The following ABCC1 variants were observed in gnomAD, a reference collection of about 807,000 sequenced individuals.
ABCC1 encodes the protein ATP binding cassette subfamily C member 1 (ABCC1 blood group).
ABCC1 carries 83 observed loss-of-function variants against 172.9 expected under a neutral mutation model. The ratio of observed to expected loss-of-function variants is 0.48; its 90% CI spans 0.40 to 0.58. ABCC1 has a LOEUF of 0.58. ABCC1 is among the 20% of genes least tolerant of loss of function. The pLI, the probability that ABCC1 is intolerant of heterozygous loss-of-function variation, is 0.00. For missense variants in ABCC1, 1,817 were observed against 2,002.7 expected, an observed-to-expected ratio of 0.91 and a Z score of 1.77; for synonymous variants, 937 against 825.2, an observed-to-expected ratio of 1.14 and a Z score of -2.32.
At chr16:16,100,474 G>C (rs532182039) in intron 19 of ABCC1, among the ~76,000 whole-genome samples, 1 of 149,696 alleles carries the variant, frequency 6.7e-6, no homozygotes, top group African/African-American at 2.5e-5. Flanking sequence ...CTGGTTCCCA[G>C]TGTCACACAT....
rs368331295 is a variant in ABCC1, at chr16:16,124,750, A to T, written c.3591-39A>T. 329 of 1,613,048 alleles carry T rather than the reference A, an allele frequency of 2.0e-4. 2 individuals are homozygous for T. The highest frequency in any genetic ancestry group is 1.8e-3 in the Middle Eastern group (10 of 5,668). On this transcript the variant is annotated intron_variant, in intron 24 of 30. Coordinates refer to ENST00000399410, the MANE Select transcript of ABCC1 (RefSeq NM_004996.4). ...TGTAAGCCAAGTCTCTGTAGAGCTG[A>T]CTCCATGCCTGTTTGTCTGCCTGTG...
At chr16:15,988,067 C>T (rs1339760787) in intron 1 of ABCC1, among the ~76,000 whole-genome samples, 6 of 152,170 alleles carry the variant, frequency 3.9e-5, no homozygotes, top group Non-Finnish European at 7.3e-5. Context: ...AAGGGATTCT[C>T]GTGCCTCAGC....
intron 1 of ABCC1, among the ~76,000 whole-genome samples, chr16:15,998,686 A>G (rs2047142074): frequency 2.0e-5 from 3 of 152,170 alleles, no homozygotes; most frequent in Admixed American, 6.6e-5. Flanking sequence ...TGCTTTCTGC[A>G]GGGGAAACAC....
intron 7 of ABCC1, among the ~76,000 whole-genome samples, chr16:16,037,559 G>A (rs1446297126): frequency 6.6e-6 from 1 of 152,230 alleles, no homozygotes; most frequent in African/African-American, 2.4e-5. Context: ...ACATGAAATT[G>A]TGGGTGACAT....
chr16:16,129,376 C>T (rs1055671690), intron 26 of ABCC1, among the ~76,000 whole-genome samples: 5 of 151,906 alleles, frequency 3.3e-5, no homozygotes, highest in African/African-American at 7.3e-5. Flanking sequence ...TGGCCAGGCG[C>T]GGTGGCTCAC....
intron 2 of ABCC1, 60 bp from the exon 3 acceptor site, chr16:16,009,715 CA>C (rs746686711): frequency 4.7e-6 from 7 of 1,490,318 alleles, no homozygotes; most frequent in Non-Finnish European, 5.4e-6. Flanking sequence ...GCTGTTCGTG[CA>C]GGCCCTGGGG....
chr16:15,959,324 TTTTC>T (rs1022571713), intron 1 of ABCC1, among the ~76,000 whole-genome samples: 15 of 152,244 alleles, frequency 9.9e-5, no homozygotes, highest in African/African-American at 3.6e-4. Flanking sequence ...TTCTTTTTCT[TTTTC>T]TTTCTTTTTT....
At chr16:16,010,087 A>G (rs1192536296) in intron 3 of ABCC1, among the ~76,000 whole-genome samples, 186 bp downstream of exon 3, 1 of 113,052 alleles carries the variant, frequency 8.8e-6, no homozygotes, top group Non-Finnish European at 1.6e-5. Context: ...GCTTTCATCC[A>G]GGCTGGAGTG....
chr16:16,085,846 T>C (rs2152002534), intron 17 of ABCC1, among the ~76,000 whole-genome samples: 1 of 152,168 alleles, frequency 6.6e-6, no homozygotes, highest in African/African-American at 2.4e-5. Context: ...AGGGCAGGCA[T>C]CTCAGGAGGG....
rs45596332 is a variant in ABCC1, at chr16:16,078,624, G to A, written c.1989-728G>A. Among the ~76,000 whole-genome samples the A allele has an allele frequency of 7.0e-3, 1,060 of 152,126 alleles. 10 individuals carry two copies. The highest frequency in any genetic ancestry group is 0.024 in the African/African-American group (986 of 41,500). On this transcript the variant is annotated intron_variant, in intron 15 of 30. Transcript: ENST00000399410. ...CCTTCACCCCTTTACACCTTTCTCCGGCTCTCCACATGTTTCTGTGTGTGG... is the reference window on the plus strand; with the variant it reads ...CCTTCACCCCTTTACACCTTTCTCCAGCTCTCCACATGTTTCTGTGTGTGG...
chr16:16,035,352 G>A (rs955002783), intron 6 of ABCC1, among the ~76,000 whole-genome samples: 8 of 152,024 alleles, frequency 5.3e-5, no homozygotes, highest in Admixed American at 3.9e-4. Context: ...CACTGAGATG[G>A]CGCCATTACA....
chr16:16,135,094 C>T (rs755447537), intron 28 of ABCC1, among the ~76,000 whole-genome samples: 48 of 152,202 alleles, frequency 3.2e-4, no homozygotes, highest in Non-Finnish European at 6.0e-4. Context: ...TCCAAAAAGA[C>T]ACCGTCTTCT....
intron 3 of ABCC1, among the ~76,000 whole-genome samples, chr16:16,014,071 T>C (rs1399328992): frequency 6.6e-6 from 1 of 152,226 alleles, no homozygotes; most frequent in Non-Finnish European, 1.5e-5. Context: ...ATGGCCACTT[T>C]CACACTGCAG....
chr16:16,031,015 T>A (rs1012880348), intron 5 of ABCC1, among the ~76,000 whole-genome samples: 5 of 152,002 alleles, frequency 3.3e-5, no homozygotes, highest in Non-Finnish European at 7.4e-5. Flanking sequence ...ATCCAGCTAA[T>A]TTTTTGTATT....
Position 15,979,309 on chromosome 16 carries a change from CAAAA to C in ABCC1, c.49-28500_49-28497del, listed in dbSNP as rs59271219. 2.1e-3 allele frequency among the ~76,000 whole-genome samples: 318 copies of C among 150,106 alleles called. 1 individual carries two copies. The East Asian group carries it at 0.029, about 14-fold the overall frequency. On this transcript the variant is annotated intron_variant, in intron 1 of 30. Coordinates refer to ENST00000399410, the MANE Select transcript of ABCC1 (RefSeq NM_004996.4). Reference sequence around the variant, plus strand: ...TGTCTCAAACAAACAAACAAACAAACAAAAAAAAAACAAAATTTTTTTTCCACAA... The same window carrying C: ...TGTCTCAAACAAACAAACAAACAAACAAAAAACAAAATTTTTTTTCCACAA...
At chr16:16,050,444 G>A (rs1424765303) in intron 10 of ABCC1, among the ~76,000 whole-genome samples, 1 of 151,852 alleles carries the variant, frequency 6.6e-6, no homozygotes, top group East Asian at 1.9e-4. Flanking sequence ...GGGCAACAGA[G>A]CGAGACTCTG....
chr16:16,071,163 G>T (rs1243485142), intron 13 of ABCC1, among the ~76,000 whole-genome samples: 1 of 151,810 alleles, frequency 6.6e-6, no homozygotes. Context: ...GGCTCACTGC[G>T]ACCTCTGCCT....
chr16:16,078,716 G>A (rs113944704), intron 15 of ABCC1, among the ~76,000 whole-genome samples: 23 of 152,142 alleles, frequency 1.5e-4, no homozygotes, highest in Admixed American at 4.6e-4. Flanking sequence ...TCACGCTCTT[G>A]CCCAGATCGG....
At chr16:16,048,501 C>A (rs4148343) in intron 10 of ABCC1, among the ~76,000 whole-genome samples, 198 bp downstream of exon 10, 18,552 of 152,164 alleles carry the variant, frequency 0.12, 1,462 homozygotes, top group Non-Finnish European at 0.16. Flanking sequence ...GGTTGATGTT[C>A]TCCTTGGTGG....
Sources: gnomAD v4.1 joint callset for allele counts (sites outside exome capture counted in the v4.1 genomes callset) on GRCh38, gnomAD v4.1.1 for gene constraint, MANE v1.5 for transcripts, NCBI Gene and HGNC (gene_info 2026-07-23, HGNC 2026-07-21) for gene names.